Variants in DTWD2 observed in about 807,000 individuals in gnomAD.
DTWD2 encodes tRNA-uridine aminocarboxypropyltransferase 2.
A neutral mutation model predicts 31.8 loss-of-function variants in DTWD2; 39 were observed. The ratio of observed to expected loss-of-function variants is 1.22; its 90% CI spans 0.95 to 1.60. DTWD2 has a LOEUF of 1.60. DTWD2 is among the 40% of genes most tolerant of loss of function. DTWD2 has a pLI of 0.00. For missense variants in DTWD2, 515 were observed against 381.5 expected (o/e 1.35, Z -2.92); for synonymous variants, 180 against 142.8 (o/e 1.26, Z -1.86).
intron 4 of DTWD2, among the ~76,000 whole-genome samples, chr5:118,853,400 A>G (rs1465597915): frequency 1.3e-5 from 2 of 152,230 alleles, no homozygotes; most frequent in Non-Finnish European, 2.9e-5. Context: ...ATTACTGGCT[A>G]TACACACAAA....
intron 4 of DTWD2, among the ~76,000 whole-genome samples, chr5:118,913,881 G>C (rs1480727609): frequency 6.6e-6 from 1 of 152,040 alleles, no homozygotes; most frequent in African/African-American, 2.4e-5. Flanking sequence ...CTGCCGATTA[G>C]GCTGGTAGTA....
intron 4 of DTWD2, among the ~76,000 whole-genome samples, chr5:118,893,652 G>A (rs1312721316): frequency 6.6e-6 from 1 of 152,000 alleles, no homozygotes; most frequent in Non-Finnish European, 1.5e-5. Flanking sequence ...AGTCACATGA[G>A]TCCTTAAAAC....
At chr5:118,956,738 G>T (rs1432697779) in intron 1 of DTWD2, among the ~76,000 whole-genome samples, 1 of 152,222 alleles carries the variant, frequency 6.6e-6, no homozygotes, top group Non-Finnish European at 1.5e-5. Context: ...GTGGAACCCA[G>T]AAAAATAGTG....
At chr5:118,902,835 A>G (rs1416173448) in intron 4 of DTWD2, among the ~76,000 whole-genome samples, 1 of 152,110 alleles carries the variant, frequency 6.6e-6, no homozygotes, top group African/African-American at 2.4e-5. Flanking sequence ...GCTGCTAATG[A>G]TATCAAAGGA....
At chr5:118,900,540 T>C (rs1011016046) in intron 4 of DTWD2, among the ~76,000 whole-genome samples, 4 of 152,154 alleles carry the variant, frequency 2.6e-5, no homozygotes, top group African/African-American at 9.7e-5. Context: ...TATAGTCATA[T>C]CCTGATATAC....
At chr5:118,966,812 C>G (rs537811113) in intron 1 of DTWD2, among the ~76,000 whole-genome samples, 11 of 152,130 alleles carry the variant, frequency 7.2e-5, no homozygotes, top group African/African-American at 2.6e-4. Context: ...TGAGGATCAC[C>G]TGAGGTCAGG....
chr5:118,909,914 G>A (rs1436605156), intron 4 of DTWD2, among the ~76,000 whole-genome samples: 1 of 152,154 alleles, frequency 6.6e-6, no homozygotes, highest in African/African-American at 2.4e-5. Context: ...CAGCCCATCA[G>A]TGCTCTCCTC....
chr5:118,949,784 G>A (rs1315513790), intron 1 of DTWD2, among the ~76,000 whole-genome samples: 1 of 152,130 alleles, frequency 6.6e-6, no homozygotes, highest in Middle Eastern at 3.2e-3. Flanking sequence ...GCTTTGAACT[G>A]GGGAAAAGGG....
At chr5:118,917,775 C>G (rs1016360967) in intron 4 of DTWD2, among the ~76,000 whole-genome samples, 12 of 152,092 alleles carry the variant, frequency 7.9e-5, no homozygotes, top group African/African-American at 2.9e-4. Flanking sequence ...AGTTCGAGAC[C>G]AGAGTGACAA....
At chr5:118,953,319 CT>C (rs1310603481) in intron 1 of DTWD2, among the ~76,000 whole-genome samples, 1 of 152,206 alleles carries the variant, frequency 6.6e-6, no homozygotes, top group African/African-American at 2.4e-5. Context: ...ATCCTGCCCA[CT>C]TACCCATTCC....
At chr5:118,859,494 A>G (rs1289306607) in intron 4 of DTWD2, among the ~76,000 whole-genome samples, 1 of 152,200 alleles carries the variant, frequency 6.6e-6, no homozygotes, top group Non-Finnish European at 1.5e-5. Flanking sequence ...TATTTTAGAT[A>G]CTCAAATTAT....
At chr5:118,921,037 T>G (rs569671171) in intron 4 of DTWD2, among the ~76,000 whole-genome samples, 3 of 152,168 alleles carry the variant, frequency 2.0e-5, no homozygotes, top group Non-Finnish European at 4.4e-5. Flanking sequence ...AAGATCATAG[T>G]TCCTATTATA....
At chr5:118,847,034 G>A (rs990599250) in intron 5 of DTWD2, among the ~76,000 whole-genome samples, 2 of 151,836 alleles carry the variant, frequency 1.3e-5, no homozygotes, top group African/African-American at 2.4e-5. Flanking sequence ...CCACAGCTTA[G>A]GGTAGAGGAG....
At chr5:118,943,645 T>G (rs1337835009) in intron 2 of DTWD2, among the ~76,000 whole-genome samples, 1 of 151,572 alleles carries the variant, frequency 6.6e-6, no homozygotes, top group Admixed American at 6.6e-5. Context: ...GGCTGAGGCA[T>G]GAGAATTGTT....
At chr5:118,973,905 G>C in intron 1 of DTWD2, 3 of 1,607,830 alleles carry the variant, frequency 1.9e-6, no homozygotes, top group Non-Finnish European at 2.6e-6. Flanking sequence ...CCTGCTAACG[G>C]GAATGCTAAT....
At chr5:118,921,596 T>C (rs1483729368) in intron 4 of DTWD2, among the ~76,000 whole-genome samples, 1 of 151,988 alleles carries the variant, frequency 6.6e-6, no homozygotes, top group Non-Finnish European at 1.5e-5. Context: ...ACCATGGGCA[T>C]TTTGAATTTA....
intron 1 of DTWD2, among the ~76,000 whole-genome samples, chr5:118,950,554 C>T (rs1372885666): frequency 1.3e-5 from 2 of 152,104 alleles, no homozygotes; most frequent in Non-Finnish European, 2.9e-5. Context: ...GAGTGGCTGC[C>T]GGGCAAGTTG....
At chr5:118,983,011 G>C (rs990043038) in intron 1 of DTWD2, among the ~76,000 whole-genome samples, 28 of 152,132 alleles carry the variant, frequency 1.8e-4, no homozygotes, top group African/African-American at 6.0e-4. Context: ...TTTTCTAAGT[G>C]CTGATACTGA....
At chr5:118,926,364 T>C (rs1753808187) in intron 4 of DTWD2, among the ~76,000 whole-genome samples, 1 of 152,026 alleles carries the variant, frequency 6.6e-6, no homozygotes, top group Admixed American at 6.5e-5. Context: ...GATGCAAAGA[T>C]GTACATAATA....
Sources: gnomAD v4.1 joint callset for allele counts (sites outside exome capture counted in the v4.1 genomes callset) on GRCh38, gnomAD v4.1.1 for gene constraint, MANE v1.5 for transcripts, NCBI Gene and HGNC (gene_info 2026-07-23, HGNC 2026-07-21) for gene names.